KIAA0586: variants seen among roughly 807,000 people sequenced by gnomAD.
KIAA0586 encodes the protein KIAA0586.
A neutral mutation model predicts 169.8 loss-of-function variants in KIAA0586; 144 were observed. That is an observed-to-expected ratio of 0.85 (90% confidence interval 0.74 to 0.97). KIAA0586 has a LOEUF of 0.97. KIAA0586 is among the 50% of genes least tolerant of loss of function. KIAA0586 has a pLI of 0.00. For synonymous variants in KIAA0586, 625 were observed against 612.4 expected, an observed-to-expected ratio of 1.02 and a Z score of -0.30; for missense variants, 1,854 against 1,823.0, an observed-to-expected ratio of 1.02 and a Z score of -0.31.
chr14:58,543,003 C>T (rs1369282655), intron 30 of KIAA0586, among the ~76,000 whole-genome samples: 5 of 151,804 alleles, frequency 3.3e-5, no homozygotes, highest in South Asian at 4.2e-4. Flanking sequence ...TGGCGGGCGC[C>T]TTTAGTCCCT....
At chr14:58,455,658 TTG>T (rs1595168830) in intron 9 of KIAA0586, among the ~76,000 whole-genome samples, 2 of 150,640 alleles carry the variant, frequency 1.3e-5, no homozygotes, top group African/African-American at 4.9e-5. Flanking sequence ...CTCCCTCTCT[TTG>T]CCATGGATTA....
chr14:58,510,577 C>A (rs1230295101), intron 28 of KIAA0586, among the ~76,000 whole-genome samples: 1 of 152,090 alleles, frequency 6.6e-6, no homozygotes, highest in South Asian at 2.1e-4. Flanking sequence ...AGAGCTTGGC[C>A]ATTTAAAAAT....
chr14:58,533,778 C>T (rs2046125539), intron 29 of KIAA0586, among the ~76,000 whole-genome samples: 1 of 152,172 alleles, frequency 6.6e-6, no homozygotes, highest in African/African-American at 2.4e-5. Context: ...CTTATTCCCA[C>T]TGGTGTCGTG....
At position 58,429,432 on chromosome 14, in the gene KIAA0586, G is replaced by A. The variant is rs780403471; in HGVS notation, c.269G>A (p.Ser90Asn). The A allele has an allele frequency of 3.8e-6, 6 of 1,562,018 alleles. No individual in the cohort carries two copies. Among genetic ancestry groups the A allele is most frequent in the Non-Finnish European group, 5.3e-6 (6 of 1,133,142 alleles). Residue 90 changes from serine (S) to asparagine (N), a missense_variant and splice_region_variant, in exon 2 of 31, where the codon AGT (serine) becomes AAT (asparagine). Transcript: ENST00000652326. ...PLLENPMVSE[S>N]DFSKDVAVQV... ...TTAGAAAATCCCATGGTGTCAGAAA[G>A]TGTAAGCAAAAGGATTCTTAATTAT...
chr14:58,440,305 T>C, intron 4 of KIAA0586: 1 of 356,728 alleles, frequency 2.8e-6, no homozygotes, highest in South Asian at 2.1e-5. Flanking sequence ...TCTCTCTCTC[T>C]TCCTCCCTCC....
Position 58,428,182 on chromosome 14 carries a change from G to A in KIAA0586, c.-83G>A. The A allele has an allele frequency of 6.6e-7, 1 of 1,516,142 alleles. No homozygotes were observed. Among genetic ancestry groups the A allele is most frequent in the South Asian group, 1.3e-5 (1 of 77,820 alleles). The allele number at this position is 1,516,142 out of a possible 1,614,324, so 93.9% of individuals were successfully genotyped here. ...TTTTAAAAACAGTTATTGCAAAGAGGTGAAAATTTTGTTCTGAAGTCTTAA... is the reference window on the plus strand; with the variant it reads ...TTTTAAAAACAGTTATTGCAAAGAGATGAAAATTTTGTTCTGAAGTCTTAA... On this transcript the variant is annotated 5_prime_UTR_variant, in exon 1 of 31. The change creates a new upstream start codon in the 5' untranslated region. Transcript: ENST00000652326.
intron 3 of KIAA0586, among the ~76,000 whole-genome samples, chr14:58,431,194 A>G (rs2037335640): frequency 6.6e-6 from 1 of 152,206 alleles, no homozygotes; most frequent in African/African-American, 2.4e-5. Context: ...AAAATCCAGA[A>G]TAAGGTTTGC....
chr14:58,446,421 C>T (rs554342742), intron 6 of KIAA0586, among the ~76,000 whole-genome samples: 7 of 151,892 alleles, frequency 4.6e-5, no homozygotes, highest in South Asian at 4.2e-4. Context: ...CACTTGAATC[C>T]GGAAGGCAGA....
intron 29 of KIAA0586, among the ~76,000 whole-genome samples, chr14:58,533,127 C>T (rs1000473517): frequency 2.6e-5 from 4 of 152,094 alleles, no homozygotes; most frequent in African/African-American, 9.7e-5. Context: ...GAGAGCCTTG[C>T]GATTATTGCC....
At chr14:58,436,966 A>C (rs879631756) in intron 4 of KIAA0586, among the ~76,000 whole-genome samples, 8 of 152,206 alleles carry the variant, frequency 5.3e-5, no homozygotes, top group Non-Finnish European at 1.0e-4. Flanking sequence ...ATATAAGATA[A>C]ATGGCAAATC....
intron 26 of KIAA0586, among the ~76,000 whole-genome samples, chr14:58,493,325 G>T (rs1381620829): frequency 6.6e-6 from 1 of 152,202 alleles, no homozygotes. Flanking sequence ...AAGAGTGCCA[G>T]ATTTTGTGGG....
chr14:58,483,613 G>A (rs919564297), intron 21 of KIAA0586, among the ~76,000 whole-genome samples: 9 of 151,906 alleles, frequency 5.9e-5, no homozygotes, highest in Non-Finnish European at 7.4e-5. Flanking sequence ...ATTGCTTTGC[G>A]TTATTATATG....
At chr14:58,495,716 C>G (rs1312535814) in intron 26 of KIAA0586, among the ~76,000 whole-genome samples, 3 of 152,054 alleles carry the variant, frequency 2.0e-5, no homozygotes, top group African/African-American at 7.2e-5. Context: ...ATTCTTTTTA[C>G]CTACTATGTA....
At chr14:58,477,348 T>TTAG in intron 20 of KIAA0586, 107 bp downstream of exon 20, 1 of 632,054 alleles carries the variant, frequency 1.6e-6, no homozygotes, top group Non-Finnish European at 2.8e-6. Flanking sequence ...TAACAAAAGG[T>TTAG]AAGCTCTTCT....
At chr14:58,526,703 A>G (rs1277218564) in intron 29 of KIAA0586, among the ~76,000 whole-genome samples, 1 of 152,148 alleles carries the variant, frequency 6.6e-6, no homozygotes, top group African/African-American at 2.4e-5. Flanking sequence ...ATGGAGAATG[A>G]ATTTGATGAA....
In KIAA0586 at chr14:58,515,229, A is replaced by C. The variant is rs538985136; in HGVS notation, c.4429+2602A>C. On this transcript the variant is annotated intron_variant, in intron 29 of 30. Coordinates refer to ENST00000652326, the MANE Select transcript of KIAA0586 (RefSeq NM_001329943.3). ...AGTTTTTAGTTTTTCTTATTTGTAG[A>C]TTACACGTTACTCAGAAAATAAGTA... is the stretch of plus-strand genomic sequence containing the variant. 2.9e-4 allele frequency among the ~76,000 whole-genome samples: 44 copies of C among 152,226 alleles called. 1 individual carries two copies. Among genetic ancestry groups the C allele is most frequent in the African/African-American group, 1.0e-3 (42 of 41,572 alleles).
At chr14:58,543,608 A>G (rs985614612) in intron 30 of KIAA0586, among the ~76,000 whole-genome samples, 8 of 152,342 alleles carry the variant, frequency 5.3e-5, no homozygotes, top group East Asian at 1.9e-4. Flanking sequence ...TTGATCTGTC[A>G]TGAAGAGACT....
downstream of KIAA0586, among the ~76,000 whole-genome samples, chr14:58,555,095 C>CTT (rs375867068): frequency 1.9e-4 from 21 of 113,492 alleles, no homozygotes; most frequent in African/African-American, 6.7e-4. Flanking sequence ...CTTTTTCTTT[C>CTT]TTTCTTTTTT....
At chr14:58,440,688 T>G (rs1302314328) in intron 4 of KIAA0586, among the ~76,000 whole-genome samples, 1 of 152,228 alleles carries the variant, frequency 6.6e-6, no homozygotes, top group Admixed American at 6.5e-5. Context: ...GAAAATTCTT[T>G]TCAGTGGTGT....
Sources: allele counts gnomAD v4.1 joint callset (sites outside exome capture counted in the v4.1 genomes callset), GRCh38; gene constraint gnomAD v4.1.1; transcripts MANE v1.5; gene names NCBI Gene and HGNC (gene_info 2026-07-23, HGNC 2026-07-21).